NFYB: variants seen among roughly 807,000 people sequenced by gnomAD.
NFYB encodes CAAT box DNA-binding protein subunit B.
Under a neutral mutation model 28.0 loss-of-function variants are expected in NFYB, and 13 were observed. The ratio of observed to expected loss-of-function variants is 0.46; its 90% CI spans 0.30 to 0.74. The LOEUF (loss-of-function observed/expected upper bound fraction) is 0.74. Among genes scored for constraint, NFYB ranks in the 30% least tolerant of loss-of-function variants. The pLI, the probability that NFYB is intolerant of heterozygous loss-of-function variation, is 0.07. For missense variants in NFYB, 142 were observed against 247.6 expected, an observed-to-expected ratio of 0.57 and a Z score of 2.86; for synonymous variants, 74 against 75.0, an observed-to-expected ratio of 0.99 and a Z score of 0.07.
chr12:104,128,198 A>G (rs991121310), intron 3 of NFYB, among the ~76,000 whole-genome samples: 50 of 152,366 alleles, frequency 3.3e-4, no homozygotes, highest in African/African-American at 1.1e-3. Flanking sequence ...GATTTTAGAC[A>G]AGGTGTATTT....
At chr12:104,128,118 AATTG>A (rs2030788677) in intron 3 of NFYB, among the ~76,000 whole-genome samples, 1 of 152,172 alleles carries the variant, frequency 6.6e-6, no homozygotes, top group Admixed American at 6.5e-5. Flanking sequence ...TTACCCTATC[AATTG>A]ATTATAAATT....
chr12:104,137,812 C>T (rs1285868473), intron 1 of NFYB: 1 of 147,408 alleles, frequency 6.8e-6, no homozygotes, highest in South Asian at 2.1e-4. Flanking sequence ...AGCGGGGCCC[C>T]GACGCAGCCC....
chr12:104,130,535 GC>G (rs2030885378), intron 2 of NFYB, among the ~76,000 whole-genome samples: 1 of 152,088 alleles, frequency 6.6e-6, no homozygotes, highest in Non-Finnish European at 1.5e-5. Flanking sequence ...ACTTTTAGTA[GC>G]CTCTAAGAAG....
chr12:104,121,695 T>C (rs1279583957), intron 5 of NFYB, among the ~76,000 whole-genome samples: 1 of 152,214 alleles, frequency 6.6e-6, no homozygotes, highest in Non-Finnish European at 1.5e-5. Context: ...AGTATATATA[T>C]GTCTCTCAGC....
intron 4 of NFYB, among the ~76,000 whole-genome samples, chr12:104,123,694 T>A (rs373797331): frequency 3.3e-5 from 5 of 152,288 alleles, no homozygotes; most frequent in African/African-American, 9.6e-5. Flanking sequence ...GCAGGGTGAC[T>A]CATGCCTGTA....
intron 2 of NFYB, 136 bp downstream of exon 2, chr12:104,135,312 A>G (rs1473081141): frequency 3.1e-6 from 2 of 649,068 alleles, no homozygotes; most frequent in African/African-American, 1.9e-5. Context: ...AACAGGAATG[A>G]GCAGAGGTAC....
At chr12:104,127,272 T>A (rs956622624) in intron 3 of NFYB, among the ~76,000 whole-genome samples, 7 of 152,286 alleles carry the variant, frequency 4.6e-5, no homozygotes, top group African/African-American at 9.6e-5. Context: ...TCTCAATTTT[T>A]AAAAATTTTA....
chr12:104,137,633 T>A (rs1417534277), intron 1 of NFYB: 1 of 149,938 alleles, frequency 6.7e-6, no homozygotes, highest in Non-Finnish European at 1.5e-5. Flanking sequence ...GCCCCCGGGA[T>A]GTGCGGGCAG....
intron 1 of NFYB, chr12:104,137,740 G>C (rs1320059523): frequency 6.8e-6 from 1 of 147,634 alleles, no homozygotes; most frequent in African/African-American, 2.4e-5. Flanking sequence ...GGCCCGGGCC[G>C]CGTCTCCCGC....
At chr12:104,131,750 T>A (rs763123660) in intron 2 of NFYB, 2 of 456,078 alleles carry the variant, frequency 4.4e-6, no homozygotes, top group South Asian at 3.1e-5. Context: ...CGCTTAGTAT[T>A]TACCAGGTTC....
At chr12:104,123,502 C>A (rs552525889) in intron 4 of NFYB, 79 bp from the exon 5 acceptor site, 5 of 1,040,194 alleles carry the variant, frequency 4.8e-6, no homozygotes, top group Admixed American at 4.2e-5. Context: ...AAAGCCTATT[C>A]AGAAGAACAC....
intron 1 of NFYB, among the ~76,000 whole-genome samples, chr12:104,136,480 A>G (rs73392513): frequency 0.04 from 6,095 of 152,316 alleles, 184 homozygotes; most frequent in Middle Eastern, 0.085. Flanking sequence ...TATAATATTA[A>G]AAGTAATTTA....
intron 4 of NFYB, among the ~76,000 whole-genome samples, chr12:104,123,985 T>A (rs1179466453): frequency 6.6e-6 from 1 of 152,062 alleles, no homozygotes; most frequent in Non-Finnish European, 1.5e-5. Context: ...AAAAAAATTT[T>A]AAAAAGATAT....
chr12:104,134,851 G>A (rs1363664855), intron 2 of NFYB, among the ~76,000 whole-genome samples: 1 of 152,174 alleles, frequency 6.6e-6, no homozygotes, highest in Non-Finnish European at 1.5e-5. Flanking sequence ...CACACCCGAG[G>A]TTACAGATAT....
intron 3 of NFYB, among the ~76,000 whole-genome samples, chr12:104,127,232 T>C (rs2030748199): frequency 6.6e-6 from 1 of 152,176 alleles, no homozygotes; most frequent in African/African-American, 2.4e-5. Flanking sequence ...ATGAAATTAA[T>C]CCCTCTGGCA....
rs1301547952 is a variant in NFYB, at chr12:104,119,151, A to G, written c.*586T>C. 6.6e-6 allele frequency: 1 copy of G among 152,514 alleles called. No individual in the cohort carries two copies. The highest frequency in any genetic ancestry group is 1.5e-5 in the Non-Finnish European group (1 of 68,050). The allele number at this position is 152,514 out of a possible 1,614,324, so 9.4% of individuals were successfully genotyped here. A position where few individuals can be genotyped will look rare whatever the true frequency, so the allele number is the denominator to read the frequency against. ...AGACAATATTTGCTTCTGCATTCAC[A>G]CTTATTCAATTACATTTTTTAAAAA... On this transcript the variant is annotated 3_prime_UTR_variant, in exon 8 of 8. Coordinates refer to ENST00000240055, the MANE Select transcript of NFYB (RefSeq NM_006166.4).
chr12:104,128,832 A>AT (rs1406780228), intron 2 of NFYB, among the ~76,000 whole-genome samples: 1 of 151,776 alleles, frequency 6.6e-6, no homozygotes, highest in African/African-American at 2.4e-5. Context: ...TGCCTGGCCA[A>AT]TTTTTTTGTA....
At chr12:104,122,156 T>C (rs2030498435) in intron 5 of NFYB, among the ~76,000 whole-genome samples, 1 of 152,164 alleles carries the variant, frequency 6.6e-6, no homozygotes, top group African/African-American at 2.4e-5. Context: ...GCACTGAACA[T>C]TATTTAGTAC....
intron 4 of NFYB, among the ~76,000 whole-genome samples, chr12:104,124,194 G>A (rs1233919784): frequency 6.6e-6 from 1 of 152,100 alleles, no homozygotes; most frequent in African/African-American, 2.4e-5. Context: ...ATTCACATAA[G>A]GCTTGGAAAA....
Sources: gnomAD v4.1 joint callset for allele counts (sites outside exome capture counted in the v4.1 genomes callset) on GRCh38, gnomAD v4.1.1 for gene constraint, MANE v1.5 for transcripts, NCBI Gene and HGNC (gene_info 2026-07-23, HGNC 2026-07-21) for gene names.